IGSF10: variants seen among roughly 807,000 people sequenced by gnomAD.
IGSF10 encodes calvaria mechanical force protein 608.
In IGSF10, 126 loss-of-function variants were observed where a neutral mutation model predicts 128.2. That is an observed-to-expected ratio of 0.98 (90% CI 0.85 to 1.14). IGSF10 has a LOEUF of 1.14. Ranked by LOEUF, IGSF10 falls within the 50% of genes most tolerant of loss-of-function variation. The pLI is 0.00. For missense variants in IGSF10, 3,295 were observed against 3,149.8 expected, an observed-to-expected ratio of 1.05 and a Z score of -1.10; for synonymous variants, 1,185 against 1,146.2, an observed-to-expected ratio of 1.03 and a Z score of -0.68.
chr3:151,520,812 C>T, the IGSF10 span, among the ~76,000 whole-genome samples: 1 of 151,750 alleles, frequency 6.6e-6, no homozygotes, highest in African/African-American at 2.4e-5. Context: ...TATAAAGCAA[C>T]CACATTAACA....
chr3:151,455,020 A>G (rs918201999), intron 4 of IGSF10, among the ~76,000 whole-genome samples: 3 of 152,162 alleles, frequency 2.0e-5, no homozygotes, highest in Non-Finnish European at 4.4e-5. Flanking sequence ...AAATAATTTA[A>G]AAGTGTACAA....
In IGSF10 at chr3:151,448,592, TGCTCTTG is replaced by T. The variant is rs1560178775; in HGVS notation, c.1382_1388del (p.Pro461GlnfsTer3). On this transcript the variant is annotated frameshift_variant, in exon 6 of 8. Transcript: ENST00000282466. LOFTEE classifies it high-confidence loss of function. ...ATTTGTGTTTCACTGGCCTCATCTC[TGCTCTTG>T]GTAAAGTGATTTGAGCATCACTGGA... The T allele has an allele frequency of 6.2e-7, 1 of 1,613,904 alleles. No individual in the cohort carries two copies. Among genetic ancestry groups the T allele is most frequent in the African/African-American group, 1.3e-5 (1 of 74,940 alleles).
the IGSF10 span, among the ~76,000 whole-genome samples, chr3:151,509,705 G>C: frequency 2.6e-5 from 4 of 152,236 alleles, no homozygotes; most frequent in East Asian, 7.7e-4. Flanking sequence ...AGTGCAAGGG[G>C]TTGGGAATTC....
At chr3:151,542,189 A>C in the IGSF10 span, among the ~76,000 whole-genome samples, 1 of 152,214 alleles carries the variant, frequency 6.6e-6, no homozygotes, top group South Asian at 2.1e-4. Context: ...ATTATTTTAT[A>C]TATCCAGGCT....
chr3:151,446,944 G>T lies in IGSF10; in HGVS notation c.3037C>A (p.Gln1013Lys), dbSNP rs1210337658. Residue 1013 changes from glutamine to lysine, a missense_variant, in exon 6 of 8, where the codon CAG (glutamine) becomes AAG (lysine). Transcript: ENST00000282466. The part of the protein sequence containing the change: ...NIPLFRRFGR[Q>K]RKIGGRGRII... ...CGCCCCCTTCCGCCAATTTTCCTCT[G>T]CCTCCCAAAGCGTCTGAACAGCGGG... 6.2e-7 allele frequency: 1 copy of T among 1,614,168 alleles called. No homozygotes were observed. The highest frequency in any genetic ancestry group is 8.5e-7 in the Non-Finnish European group (1 of 1,180,036).
At chr3:151,503,986 C>CT in the IGSF10 span, among the ~76,000 whole-genome samples, 2 of 152,010 alleles carry the variant, frequency 1.3e-5, no homozygotes, top group African/African-American at 2.4e-5. Flanking sequence ...AAACACCAAC[C>CT]TTAGGTTTTA....
chr3:151,540,190 T>C, the IGSF10 span, among the ~76,000 whole-genome samples: 3 of 152,202 alleles, frequency 2.0e-5, no homozygotes, highest in Non-Finnish European at 4.4e-5. Flanking sequence ...AGCGTATATA[T>C]CATAAGTGTA....
At chr3:151,529,741 G>A in the IGSF10 span, among the ~76,000 whole-genome samples, 9 of 152,202 alleles carry the variant, frequency 5.9e-5, no homozygotes, top group Middle Eastern at 3.4e-3. Flanking sequence ...ATAATTCCAC[G>A]AAGATGAGGA....
At position 151,458,024 on chromosome 3, in the gene IGSF10, TAC is replaced by T. The variant is rs948922093; in HGVS notation, c.194+490_194+491del. ...ACTTTTTTTTCATGAACGTTTAAAA[TAC>T]AGTCATATTTTTAAAAATTTAATTA... On this transcript the variant is annotated intron_variant, in intron 3 of 7. Coordinates refer to ENST00000282466, the MANE Select transcript of IGSF10 (RefSeq NM_178822.5). Among the ~76,000 whole-genome samples the T allele has an allele frequency of 3.3e-5, 5 of 152,006 alleles. No homozygotes were observed. In the East Asian group the frequency reaches 9.6e-4, roughly 29 times the overall value.
chr3:151,478,960 G>A, the IGSF10 span, among the ~76,000 whole-genome samples: 2 of 152,164 alleles, frequency 1.3e-5, no homozygotes, highest in Non-Finnish European at 2.9e-5. Context: ...TTCAGAAGAA[G>A]CATTTTAAAT....
chr3:151,541,696 T>A, the IGSF10 span, among the ~76,000 whole-genome samples: 1 of 152,206 alleles, frequency 6.6e-6, no homozygotes, highest in East Asian at 1.9e-4. Flanking sequence ...CCTCCTCATG[T>A]CTTATGAAAT....
the IGSF10 span, among the ~76,000 whole-genome samples, chr3:151,596,378 A>G: frequency 6.6e-6 from 1 of 152,230 alleles, no homozygotes; most frequent in Non-Finnish European, 1.5e-5. Flanking sequence ...CATGCTTGAC[A>G]AAGGATAAAC....
At chr3:151,512,341 AC>A in the IGSF10 span, among the ~76,000 whole-genome samples, 617 of 152,286 alleles carry the variant, frequency 4.1e-3, 2 homozygotes, top group African/African-American at 0.014. Context: ...TGGAAACTGA[AC>A]CACCTGCTCC....
chr3:151,576,869 T>C, the IGSF10 span, among the ~76,000 whole-genome samples: 1 of 152,130 alleles, frequency 6.6e-6, no homozygotes, highest in African/African-American at 2.4e-5. Context: ...ACTTCTTGTT[T>C]AGTGTGTGAT....
downstream of IGSF10, chr3:151,435,588 G>T (rs1215536136): frequency 6.6e-6 from 1 of 150,676 alleles, no homozygotes; most frequent in African/African-American, 2.4e-5. Context: ...TAAGACCTAT[G>T]GCATTTTTTT....
chr3:151,498,487 G>T, the IGSF10 span, among the ~76,000 whole-genome samples: 44 of 152,072 alleles, frequency 2.9e-4, no homozygotes, highest in South Asian at 4.8e-3. Flanking sequence ...TTCATCCCTG[G>T]GATGCAAGGC....
the IGSF10 span, among the ~76,000 whole-genome samples, chr3:151,508,222 T>C: frequency 6.6e-6 from 1 of 152,028 alleles, no homozygotes; most frequent in Non-Finnish European, 1.5e-5. Flanking sequence ...AAGTTTCAAA[T>C]TGAAGGGGTA....
the IGSF10 span, among the ~76,000 whole-genome samples, chr3:151,476,887 C>A: frequency 6.6e-6 from 1 of 152,180 alleles, no homozygotes; most frequent in African/African-American, 2.4e-5. Context: ...TAATTAACCA[C>A]CCTAGGAGTT....
At chr3:151,459,305 T>C (rs1721945458) in intron 2 of IGSF10, among the ~76,000 whole-genome samples, 1 of 152,244 alleles carries the variant, frequency 6.6e-6, no homozygotes, top group Non-Finnish European at 1.5e-5. Flanking sequence ...CAAACTCAAT[T>C]TTGTAACACA....
Sources: gnomAD v4.1 joint callset for allele counts (sites outside exome capture counted in the v4.1 genomes callset) on GRCh38, gnomAD v4.1.1 for gene constraint, MANE v1.5 for transcripts, NCBI Gene and HGNC (gene_info 2026-07-23, HGNC 2026-07-21) for gene names.